The following NAALADL2 variants were observed in gnomAD, a reference collection of about 807,000 sequenced individuals.
NAALADL2 encodes the protein inactive N-acetylated-alpha-linked acidic dipeptidase-like protein 2.
A neutral mutation model predicts 87.2 loss-of-function variants in NAALADL2; 76 were observed. That is an observed-to-expected ratio of 0.87 (90% CI 0.72 to 1.05). The LOEUF (loss-of-function observed/expected upper bound fraction) is 1.05, where lower values mean the gene tolerates loss of function less well. Among genes scored for constraint, NAALADL2 ranks in the 50% least tolerant of loss-of-function variants. The pLI is 0.00. For missense variants in NAALADL2, 1,089 were observed against 945.8 expected, an observed-to-expected ratio of 1.15 and a Z score of -1.99; for synonymous variants, 354 against 331.0, an observed-to-expected ratio of 1.07 and a Z score of -0.75.
chr3:174,456,684 G>T (rs1443759681), intron 1 of NAALADL2, among the ~76,000 whole-genome samples: 2 of 152,026 alleles, frequency 1.3e-5, no homozygotes, highest in African/African-American at 4.8e-5. Context: ...ATTGAAACTG[G>T]ACCCCTTCCT....
chr3:174,794,086 C>T (rs550590481), intron 3 of NAALADL2, among the ~76,000 whole-genome samples: 94 of 152,102 alleles, frequency 6.2e-4, no homozygotes, highest in African/African-American at 2.1e-3. Context: ...TCCAAAGTAG[C>T]AAGAAACCCA....
rs147913139 is a variant in NAALADL2, at chr3:175,681,528, C to T, written c.1896+54142C>T. ...TGTCCAAAACTTGTATGCATTTTTACTATAAAGCCTTAAAAATCATACGCA... is the reference window on the plus strand; with the variant it reads ...TGTCCAAAACTTGTATGCATTTTTATTATAAAGCCTTAAAAATCATACGCA... On this transcript the variant is annotated intron_variant, in intron 11 of 13. Transcript: ENST00000454872. 2.9e-3 allele frequency among the ~76,000 whole-genome samples: 440 copies of T among 152,292 alleles called. 3 individuals carry two copies. Among genetic ancestry groups the T allele is most frequent in the Middle Eastern group, 0.014 (4 of 294 alleles).
upstream of NAALADL2, among the ~76,000 whole-genome samples, chr3:174,856,802 G>A (rs116290609): frequency 0.013 from 1,822 of 136,958 alleles, 17 homozygotes; most frequent in Middle Eastern, 0.021. Flanking sequence ...GAAGGAAAGA[G>A]AAATCTGTGC....
At chr3:175,058,970 G>A (rs952424709) in intron 1 of NAALADL2, among the ~76,000 whole-genome samples, 8 of 152,154 alleles carry the variant, frequency 5.3e-5, no homozygotes, top group Non-Finnish European at 4.4e-5. Context: ...ATGAATCTTT[G>A]TATAATCCTC....
intron 9 of NAALADL2, among the ~76,000 whole-genome samples, chr3:175,531,232 A>T (rs4343635): frequency 0.66 from 100,041 of 151,780 alleles, 36,512 homozygotes; most frequent in East Asian, 0.87. Flanking sequence ...GAGATGAGGA[A>T]TGTGTTGCCT....
At chr3:175,061,793 T>C (rs1713551263) in intron 1 of NAALADL2, among the ~76,000 whole-genome samples, 1 of 150,870 alleles carries the variant, frequency 6.6e-6, no homozygotes, top group Non-Finnish European at 1.5e-5. Flanking sequence ...AGTAAATCCA[T>C]GAGCTTATGC....
chr3:174,723,204 G>A (rs2084028262), intron 2 of NAALADL2, among the ~76,000 whole-genome samples: 1 of 152,096 alleles, frequency 6.6e-6, no homozygotes, highest in South Asian at 2.1e-4. Flanking sequence ...CTGTGATTAA[G>A]TTAATTCACC....
At chr3:174,916,682 A>G (rs1365935473) in intron 1 of NAALADL2, among the ~76,000 whole-genome samples, 2 of 152,070 alleles carry the variant, frequency 1.3e-5, no homozygotes, top group Non-Finnish European at 2.9e-5. Context: ...CAGAGGCATA[A>G]GAGTGATATA....
intron 2 of NAALADL2, among the ~76,000 whole-genome samples, chr3:175,139,481 A>G (rs1259375455): frequency 4.6e-5 from 7 of 152,126 alleles, no homozygotes; most frequent in African/African-American, 1.7e-4. Context: ...AGCCTGGTAG[A>G]GTTAATTTAT....
At chr3:175,494,646 T>C (rs924425579) in intron 9 of NAALADL2, among the ~76,000 whole-genome samples, 7 of 152,014 alleles carry the variant, frequency 4.6e-5, no homozygotes, top group Non-Finnish European at 1.0e-4. Context: ...ACAGGAAAAC[T>C]GTTCTACACT....
At chr3:175,449,405 T>C (rs931002567) in intron 6 of NAALADL2, among the ~76,000 whole-genome samples, 15 of 148,392 alleles carry the variant, frequency 1.0e-4, no homozygotes, top group African/African-American at 3.5e-4. Flanking sequence ...TTTTTTTTTT[T>C]TTTTTTTTGA....
intron 3 of NAALADL2, among the ~76,000 whole-genome samples, chr3:174,770,548 A>G (rs1377532013): frequency 6.6e-6 from 1 of 152,228 alleles, no homozygotes; most frequent in Non-Finnish European, 1.5e-5. Flanking sequence ...CATAAGTTCT[A>G]TTGAGAAATA....
intron 1 of NAALADL2, among the ~76,000 whole-genome samples, chr3:174,510,501 T>A (rs1719529029): frequency 6.6e-6 from 1 of 152,046 alleles, no homozygotes; most frequent in Non-Finnish European, 1.5e-5. Flanking sequence ...TCTAAGTTAT[T>A]GAATATATTG....
At chr3:174,935,571 T>C (rs1015371497) in intron 1 of NAALADL2, among the ~76,000 whole-genome samples, 1 of 152,162 alleles carries the variant, frequency 6.6e-6, no homozygotes, top group Non-Finnish European at 1.5e-5. Context: ...AATTTAACTT[T>C]TGTGGTTTAT....
Position 174,871,620 on chromosome 3 carries a change from CG to C in NAALADL2, c.43+12173del, listed in dbSNP as rs578027737. Among the ~76,000 whole-genome samples the C allele has an allele frequency of 2.2e-4, 34 of 152,260 alleles. No homozygotes were observed. In the East Asian group the frequency reaches 5.2e-3, roughly 23 times the overall value. Reference sequence around the variant, plus strand: ...GAGCTAAGAAATATACTAACTTGGCCGGGCACAGTGGCTCACAGCTGTAATC... The same window carrying C: ...GAGCTAAGAAATATACTAACTTGGCCGGCACAGTGGCTCACAGCTGTAATC... On this transcript the variant is annotated intron_variant, in intron 1 of 13. Transcript: ENST00000454872.
intron 9 of NAALADL2, among the ~76,000 whole-genome samples, chr3:175,568,672 C>T (rs1002302584): frequency 6.6e-6 from 1 of 152,208 alleles, no homozygotes; most frequent in Non-Finnish European, 1.5e-5. Flanking sequence ...GCTGCTAAGC[C>T]CTATATAGAC....
intron 1 of NAALADL2, among the ~76,000 whole-genome samples, chr3:175,045,694 G>A (rs549692977): frequency 6.6e-6 from 1 of 152,240 alleles, no homozygotes; most frequent in Non-Finnish European, 1.5e-5. Context: ...AGGGTGGCAA[G>A]GATGAGCCCA....
chr3:174,931,133 A>G (rs754800814), intron 1 of NAALADL2, among the ~76,000 whole-genome samples: 110 of 152,320 alleles, frequency 7.2e-4, no homozygotes, highest in African/African-American at 2.5e-3. Context: ...CGATCAAAAT[A>G]CATTTATTGA....
intron 1 of NAALADL2, among the ~76,000 whole-genome samples, chr3:175,021,306 G>A (rs1033999443): frequency 3.9e-5 from 6 of 151,976 alleles, no homozygotes; most frequent in Non-Finnish European, 7.4e-5. Context: ...TAGACACTGT[G>A]TTTCTAGTAC....
Sources: gnomAD v4.1 joint callset for allele counts (sites outside exome capture counted in the v4.1 genomes callset) on GRCh38, gnomAD v4.1.1 for gene constraint, MANE v1.5 for transcripts, NCBI Gene and HGNC (gene_info 2026-07-23, HGNC 2026-07-21) for gene names.